The following ST3GAL3 variants were observed in gnomAD, a reference collection of about 807,000 sequenced individuals.
The protein encoded by ST3GAL3 is CMP-N-acetylneuraminate-beta-1,4-galactoside alpha-2,3-sialyltransferase.
In ST3GAL3, 21 loss-of-function variants were observed where a neutral mutation model predicts 50.1. The observed-to-expected ratio is 0.42, with a 90% CI of 0.30 to 0.60. ST3GAL3 has a LOEUF of 0.60. ST3GAL3 is among the 20% of genes least tolerant of loss of function. The pLI is 0.19. For synonymous variants in ST3GAL3, 183 were observed against 190.0 expected (o/e 0.96, Z 0.30); for missense variants, 353 against 489.4 (o/e 0.72, Z 2.63).
intron 4 of ST3GAL3, among the ~76,000 whole-genome samples, chr1:43,834,018 G>A (rs939643775): frequency 4.0e-5 from 6 of 151,812 alleles, no homozygotes; most frequent in Non-Finnish European, 5.9e-5. Context: ...AAAATTAGCC[G>A]GGCGCGGTGG....
chr1:43,752,460 A>AT (rs1488466802), intron 2 of ST3GAL3, among the ~76,000 whole-genome samples: 1 of 152,122 alleles, frequency 6.6e-6, no homozygotes, highest in Non-Finnish European at 1.5e-5. Context: ...TAGACTAAAT[A>AT]TTTTTTCCTT....
chr1:43,844,879 A>G (rs893320837), intron 5 of ST3GAL3, among the ~76,000 whole-genome samples: 7 of 151,640 alleles, frequency 4.6e-5, no homozygotes, highest in Non-Finnish European at 7.4e-5. Flanking sequence ...TAGTGCCCCT[A>G]TCTGTAAGGA....
intron 3 of ST3GAL3, among the ~76,000 whole-genome samples, chr1:43,812,089 C>T (rs2060625233): frequency 6.6e-6 from 1 of 152,198 alleles, no homozygotes; most frequent in Non-Finnish European, 1.5e-5. Flanking sequence ...ACCAAATAAT[C>T]CCGATAACAG....
At chr1:43,928,809 T>C (rs1012757336) in intron 11 of ST3GAL3, among the ~76,000 whole-genome samples, 3 of 152,058 alleles carry the variant, frequency 2.0e-5, no homozygotes, top group South Asian at 4.1e-4. Flanking sequence ...CTCAGGTGGC[T>C]GAGGCAGGAG....
rs1308200180 is a variant in ST3GAL3, at chr1:43,759,090, C to CAT, written c.118+22711_118+22712insTA. Among the ~76,000 whole-genome samples the CAT allele has an allele frequency of 1.2e-4, 18 of 151,232 alleles. No individual in the cohort carries two copies. In the East Asian group the frequency reaches 3.5e-3, roughly 30 times the overall value. ...GCACACACACACACACACACACACA[C>CAT]ACACACACACACACACAGAAGGGGA... On this transcript the variant is annotated intron_variant, in intron 2 of 11. Transcript: ENST00000347631.
chr1:43,848,939 A>G (rs1005155052), intron 5 of ST3GAL3, among the ~76,000 whole-genome samples: 1 of 152,116 alleles, frequency 6.6e-6, no homozygotes, highest in Non-Finnish European at 1.5e-5. Flanking sequence ...TAATCCCACC[A>G]TGTATATTAT....
At chr1:43,826,977 A>T (rs999423591) in intron 4 of ST3GAL3, among the ~76,000 whole-genome samples, 4 of 152,204 alleles carry the variant, frequency 2.6e-5, no homozygotes, top group Non-Finnish European at 5.9e-5. Context: ...CCTATAGCTA[A>T]CATCTTGCTT....
In ST3GAL3 at chr1:43,851,205, C is replaced by T. The variant is rs563032875; in HGVS notation, c.302+12894C>T. 4 of 1,473,052 alleles carry T rather than the reference C, an allele frequency of 2.7e-6. No homozygotes were observed. The East Asian group carries it at 9.1e-5, about 33-fold the overall frequency. The allele number at this position is 1,473,052 out of a possible 1,614,324, so 91.2% of individuals were successfully genotyped here. On this transcript the variant is annotated intron_variant, in intron 5 of 11. Coordinates refer to ENST00000347631, the MANE Select transcript of ST3GAL3 (RefSeq NM_006279.5). ...TCCAGCTGGTCATAGTTGATGTAGC[C>T]AGTGTCTGGGTTCACCTTATAGGGC...
intron 11 of ST3GAL3, among the ~76,000 whole-genome samples, chr1:43,923,263 C>CAA (rs35151641): frequency 9.1e-5 from 11 of 120,334 alleles, no homozygotes; most frequent in African/African-American, 3.1e-4. Flanking sequence ...GACCCTGTCT[C>CAA]AAAAAAAAAA....
At chr1:43,786,578 C>T (rs948006813) in intron 2 of ST3GAL3, among the ~76,000 whole-genome samples, 2 of 152,194 alleles carry the variant, frequency 1.3e-5, no homozygotes, top group African/African-American at 4.8e-5. Flanking sequence ...GTACCTCTAC[C>T]CTTGGTCTCC....
intron 2 of ST3GAL3, among the ~76,000 whole-genome samples, chr1:43,748,906 T>TC (rs1684951020): frequency 6.6e-6 from 1 of 152,154 alleles, no homozygotes. Context: ...ATTCTAAAAT[T>TC]TATATGAAAA....
chr1:43,862,010 A>G (rs1300722451), intron 5 of ST3GAL3, among the ~76,000 whole-genome samples: 1 of 151,656 alleles, frequency 6.6e-6, no homozygotes, highest in African/African-American at 2.4e-5. Flanking sequence ...CCTGGGCAAC[A>G]AGAGCGAAAA....
intron 1 of ST3GAL3, among the ~76,000 whole-genome samples, chr1:43,718,250 C>G (rs1455360683): frequency 8.0e-6 from 1 of 124,856 alleles, no homozygotes; most frequent in African/African-American, 3.2e-5. Flanking sequence ...AGTGCAGTGG[C>G]GCGATCTTGG....
chr1:43,839,631 C>A (rs911758451), intron 5 of ST3GAL3: 2 of 152,166 alleles, frequency 1.3e-5, no homozygotes, highest in Non-Finnish European at 2.9e-5. Flanking sequence ...ATATTCTGTA[C>A]TGTGTATTAG....
chr1:43,929,944 G>GATGAGC, intron 11 of ST3GAL3, 188 bp from the exon 12 acceptor site: 1 of 746,730 alleles, frequency 1.3e-6, no homozygotes, highest in African/African-American at 1.7e-5. Context: ...AAGGGAGGAG[G>GATGAGC]ATGAGCTGTG....
chr1:43,870,154 G>A (rs1224014252), intron 5 of ST3GAL3, among the ~76,000 whole-genome samples: 1 of 152,178 alleles, frequency 6.6e-6, no homozygotes, highest in Non-Finnish European at 1.5e-5. Flanking sequence ...CTAAACCTCA[G>A]TGTCTTCATC....
At chr1:43,808,303 CAAAAAAAAAA>C (rs35302476) in intron 3 of ST3GAL3, among the ~76,000 whole-genome samples, 2 of 108,234 alleles carry the variant, frequency 1.8e-5, no homozygotes, top group Non-Finnish European at 3.8e-5. Context: ...GACTCCATCT[CAAAAAAAAAA>C]AAAAAAAAGT....
intron 4 of ST3GAL3, among the ~76,000 whole-genome samples, chr1:43,822,349 T>C (rs2062211474): frequency 6.6e-6 from 1 of 152,198 alleles, no homozygotes; most frequent in Admixed American, 6.5e-5. Flanking sequence ...TTCTGCTGGG[T>C]GTGGGCAGGT....
chr1:43,733,898 G>C (rs1677026693), intron 1 of ST3GAL3, among the ~76,000 whole-genome samples: 2 of 152,268 alleles, frequency 1.3e-5, no homozygotes, highest in Non-Finnish European at 2.9e-5. Context: ...GGTGGATCAC[G>C]AGGTCAGGAG....
Sources: allele counts gnomAD v4.1 joint callset (sites outside exome capture counted in the v4.1 genomes callset), GRCh38; gene constraint gnomAD v4.1.1; transcripts MANE v1.5; gene names NCBI Gene and HGNC (gene_info 2026-07-23, HGNC 2026-07-21).